GPHN: variants seen among roughly 807,000 people sequenced by gnomAD.
GPHN encodes the protein gephyrin.
In GPHN, 17 loss-of-function variants were observed where a neutral mutation model predicts 95.5. The observed-to-expected ratio is 0.18, with a 90% CI of 0.12 to 0.27. The LOEUF (loss-of-function observed/expected upper bound fraction) is 0.27, where lower values mean the gene tolerates loss of function less well. GPHN is among the 10% of genes least tolerant of loss of function. The pLI is 1.00. For synonymous variants in GPHN, 320 were observed against 322.5 expected, an observed-to-expected ratio of 0.99 and a Z score of 0.08; for missense variants, 660 against 978.1, an observed-to-expected ratio of 0.67 and a Z score of 4.34.
At chr14:67,271,693 A>T in the GPHN span, 1 of 152,170 alleles carries the variant, frequency 6.6e-6, no homozygotes, top group Non-Finnish European at 1.5e-5. Flanking sequence ...AAACAGGGAG[A>T]GGATTAAAGA....
At chr14:67,620,724 G>T in the GPHN span, among the ~76,000 whole-genome samples, 1 of 152,144 alleles carries the variant, frequency 6.6e-6, no homozygotes, top group Admixed American at 6.5e-5. Flanking sequence ...TCCCGTCTTG[G>T]CTTGGGCAGC....
the GPHN span, among the ~76,000 whole-genome samples, chr14:67,563,345 G>C: frequency 1.3e-3 from 191 of 152,176 alleles, 1 homozygote; most frequent in Non-Finnish European, 2.5e-3. Context: ...GGGTTGTTGT[G>C]AAAGTACTTA....
At chr14:67,586,237 T>G in the GPHN span, 1 of 1,156,278 alleles carries the variant, frequency 8.6e-7, no homozygotes, top group East Asian at 2.3e-5. Flanking sequence ...TAATTAGTAT[T>G]CCAAAGGTTC....
chr14:67,391,205 G>A, the GPHN span, among the ~76,000 whole-genome samples: 1 of 151,966 alleles, frequency 6.6e-6, no homozygotes, highest in Non-Finnish European at 1.5e-5. Flanking sequence ...CTTTCACATT[G>A]TGCATTAGGA....
At chr14:67,724,406 T>TAAAG in the GPHN span, 1 of 1,084,218 alleles carries the variant, frequency 9.2e-7, no homozygotes, top group Non-Finnish European at 1.4e-6. Flanking sequence ...TTTTTTTTTT[T>TAAAG]TTTAACGTAT....
At chr14:67,502,680 G>A in the GPHN span, among the ~76,000 whole-genome samples, 24 of 152,064 alleles carry the variant, frequency 1.6e-4, no homozygotes, top group Non-Finnish European at 2.9e-4. Flanking sequence ...TCAAACTCCC[G>A]ACCTCAGGTG....
chr14:66,709,234 C>A (rs2069378599), intron 2 of GPHN: 4 of 360,898 alleles, frequency 1.1e-5, no homozygotes, highest in Non-Finnish European at 1.7e-5. Context: ...AACAACCATT[C>A]TTTTAAACAT....
At chr14:67,187,411 C>G in the GPHN span, among the ~76,000 whole-genome samples, 1 of 152,084 alleles carries the variant, frequency 6.6e-6, no homozygotes, top group African/African-American at 2.4e-5. Context: ...CAGTGAGTCA[C>G]CAAATTTTGT....
the GPHN span, chr14:67,320,415 C>T: frequency 6.4e-7 from 1 of 1,572,082 alleles, no homozygotes. Context: ...TGAATGCATT[C>T]CCATTTTCCT....
intron 2 of GPHN, among the ~76,000 whole-genome samples, chr14:66,746,531 T>A (rs931397974): frequency 3.3e-5 from 5 of 152,136 alleles, no homozygotes; most frequent in African/African-American, 1.2e-4. Flanking sequence ...GCTAAGGCCT[T>A]TAAATATTTG....
chr14:66,709,455 G>T (rs1246517333), intron 2 of GPHN: 1 of 455,540 alleles, frequency 2.2e-6, no homozygotes, highest in Non-Finnish European at 4.4e-6. Flanking sequence ...AACCCAGATG[G>T]CTGGTAAGTG....
At chr14:66,995,967 AT>A (rs11360187) in intron 9 of GPHN, among the ~76,000 whole-genome samples, 49,157 of 151,348 alleles carry the variant, frequency 0.32, 12,577 homozygotes, top group African/African-American at 0.7. Flanking sequence ...TCCATCATGG[AT>A]TTTTTTTTAG....
chr14:67,729,259 C>G, the GPHN span: 1 of 1,607,964 alleles, frequency 6.2e-7, no homozygotes, highest in Non-Finnish European at 8.5e-7. Context: ...GCACTCCTCC[C>G]TGCTCTGCCT....
chr14:66,815,403 A>G (rs1053024520), intron 3 of GPHN, among the ~76,000 whole-genome samples: 1 of 152,228 alleles, frequency 6.6e-6, no homozygotes, highest in Non-Finnish European at 1.5e-5. Flanking sequence ...AACATGTTAA[A>G]GGCAGCTAGA....
At position 67,159,603 on chromosome 14, in the gene GPHN, AAAAG is replaced by A. The variant is rs1303732941; in HGVS notation, c.1910+119_1910+122del. 10 of 762,784 alleles carry A rather than the reference AAAAG, an allele frequency of 1.3e-5. No homozygotes were observed. The East Asian group carries it at 2.2e-4, about 17-fold the overall frequency. The allele number at this position is 762,784 out of a possible 1,614,324, so 47.3% of individuals were successfully genotyped here. ...TATTATGAATTAACTATTCCAAAAA[AAAAG>A]AAATATAGTATTAGGATCCTTTGCA... On this transcript the variant is annotated intron_variant, in intron 19 of 22. Transcript: ENST00000478722.
the GPHN span, among the ~76,000 whole-genome samples, chr14:67,501,352 G>A: frequency 7.9e-5 from 12 of 152,034 alleles, no homozygotes; most frequent in South Asian, 4.2e-4. Flanking sequence ...CAAGATAAAC[G>A]ATACCTTATT....
chr14:67,087,117 A>G (rs1000921949), intron 11 of GPHN, among the ~76,000 whole-genome samples: 3 of 152,068 alleles, frequency 2.0e-5, no homozygotes, highest in Non-Finnish European at 4.4e-5. Context: ...CATGGGATTA[A>G]GTGAGATTAT....
At chr14:66,615,440 A>G in intron 1 of GPHN, among the ~76,000 whole-genome samples, 1 of 129,042 alleles carries the variant, frequency 7.7e-6, no homozygotes, top group African/African-American at 2.9e-5. Flanking sequence ...TGTGGTTTTG[A>G]TTTGCATTTC....
intron 4 of GPHN, among the ~76,000 whole-genome samples, chr14:66,854,908 C>T (rs534012367): frequency 6.6e-6 from 1 of 150,916 alleles, no homozygotes; most frequent in East Asian, 2.0e-4. Flanking sequence ...AGTGCAGTGG[C>T]ACGATCTCAG....
Sources: gnomAD v4.1 joint callset for allele counts (sites outside exome capture counted in the v4.1 genomes callset) on GRCh38, gnomAD v4.1.1 for gene constraint, MANE v1.5 for transcripts, NCBI Gene and HGNC (gene_info 2026-07-23, HGNC 2026-07-21) for gene names.